The following GNG2 variants were observed in gnomAD, a reference collection of about 807,000 sequenced individuals.
GNG2 encodes guanine nucleotide-binding protein G(I)/G(S)/G(O) subunit gamma-2.
Under a neutral mutation model 5.5 loss-of-function variants are expected in GNG2, and 5 were observed. The ratio of observed to expected loss-of-function variants is 0.91; its 90% CI spans 0.48 to 1.92. The LOEUF (loss-of-function observed/expected upper bound fraction) is 1.92. GNG2 is among the 30% of genes most tolerant of loss of function. The pLI is 0.01. For missense variants in GNG2, 55 were observed against 88.4 expected (o/e 0.62, Z 1.52); for synonymous variants, 28 against 32.0 (o/e 0.88, Z 0.42).
intron 2 of GNG2, chr14:51,847,445 A>G (rs1594832588): frequency 6.6e-6 from 1 of 152,404 alleles, no homozygotes; most frequent in African/African-American, 2.4e-5. Flanking sequence ...CTTTTATGGT[A>G]AGAGTAGCCC....
At chr14:51,964,439 G>A (rs940230748) in intron 3 of GNG2, among the ~76,000 whole-genome samples, 7 of 152,174 alleles carry the variant, frequency 4.6e-5, no homozygotes, top group Non-Finnish European at 1.0e-4. Flanking sequence ...AGATGTTGTG[G>A]TAGTAACAGA....
At chr14:51,837,810 A>C (rs996187316) in intron 2 of GNG2, among the ~76,000 whole-genome samples, 2 of 152,226 alleles carry the variant, frequency 1.3e-5, no homozygotes, top group Non-Finnish European at 2.9e-5. Flanking sequence ...CATAATTTAG[A>C]TACAAAATTG....
intron 2 of GNG2, chr14:51,827,830 G>T: frequency 1.5e-6 from 1 of 671,226 alleles, no homozygotes; most frequent in South Asian, 1.6e-5. Flanking sequence ...AAATGGTGAT[G>T]GAAGGATACT....
chr14:51,950,522 A>G (rs1381673989), intron 2 of GNG2, 128 bp from the exon 3 acceptor site: 1 of 595,242 alleles, frequency 1.7e-6, no homozygotes, highest in African/African-American at 2.0e-5. Flanking sequence ...CCGACCAAGG[A>G]TGGAGAGGGC....
chr14:51,960,867 C>T (rs767477565), intron 3 of GNG2, among the ~76,000 whole-genome samples: 3 of 152,166 alleles, frequency 2.0e-5, no homozygotes, highest in Non-Finnish European at 4.4e-5. Context: ...GTTTTACTTG[C>T]TCCTTCCTGA....
chr14:51,938,378 T>G (rs552894180), intron 2 of GNG2, among the ~76,000 whole-genome samples: 1 of 152,334 alleles, frequency 6.6e-6, no homozygotes, highest in Admixed American at 6.5e-5. Context: ...TCACAGTGTT[T>G]AGTAGTTGCT....
At chr14:51,856,375 T>C (rs1024505945), upstream of GNG2, among the ~76,000 whole-genome samples, 2 of 152,190 alleles carry the variant, frequency 1.3e-5, no homozygotes, top group Non-Finnish European at 2.9e-5. Flanking sequence ...CATCAGTCTC[T>C]TTAAAGTTCC....
chr14:51,860,221 A>C (rs1413364853), upstream of GNG2, among the ~76,000 whole-genome samples: 3 of 83,414 alleles, frequency 3.6e-5, no homozygotes, highest in African/African-American at 1.2e-4. Context: ...ATGTTGACCC[A>C]AAAAAAAACA....
chr14:51,868,432 T>C (rs1594854854), intron 1 of GNG2, among the ~76,000 whole-genome samples: 1 of 152,088 alleles, frequency 6.6e-6, no homozygotes, highest in East Asian at 1.9e-4. Flanking sequence ...AAATGTCAAG[T>C]AGTAGTGAGT....
intron 3 of GNG2, among the ~76,000 whole-genome samples, chr14:51,963,544 C>T (rs1889734130): frequency 1.3e-5 from 2 of 152,160 alleles, no homozygotes; most frequent in African/African-American, 4.8e-5. Context: ...CCTTTGTTTT[C>T]ATGTGGGAGA....
chr14:51,887,209 G>A (rs969323093), intron 2 of GNG2, among the ~76,000 whole-genome samples: 5 of 152,044 alleles, frequency 3.3e-5, no homozygotes, highest in East Asian at 1.9e-4. Context: ...CTCAACTTAC[G>A]GTTCAAGTTT....
chr14:51,828,832 C>T (rs937612366), intron 2 of GNG2, among the ~76,000 whole-genome samples: 10 of 152,144 alleles, frequency 6.6e-5, no homozygotes, highest in African/African-American at 2.2e-4. Context: ...TTCAGGAACA[C>T]CCCAGGGGCT....
At chr14:51,891,264 A>G (rs934503911) in intron 2 of GNG2, among the ~76,000 whole-genome samples, 7 of 152,224 alleles carry the variant, frequency 4.6e-5, no homozygotes, top group South Asian at 2.1e-4. Flanking sequence ...ATTTTCTTGC[A>G]TCTGCTTCTT....
chr14:51,844,979 C>A (rs1381829922), intron 2 of GNG2, among the ~76,000 whole-genome samples: 1 of 152,170 alleles, frequency 6.6e-6, no homozygotes, highest in Non-Finnish European at 1.5e-5. Flanking sequence ...TCCACCTCGG[C>A]CTCCCAAAGT....
intron 2 of GNG2, among the ~76,000 whole-genome samples, chr14:51,832,444 TG>T (rs1210922623): frequency 6.6e-6 from 1 of 152,210 alleles, no homozygotes; most frequent in African/African-American, 2.4e-5. Flanking sequence ...CTGCTATCTT[TG>T]GGGTTATCTT....
chr14:51,872,839 T>C (rs1883401937), intron 1 of GNG2, among the ~76,000 whole-genome samples: 1 of 152,220 alleles, frequency 6.6e-6, no homozygotes, highest in Admixed American at 6.5e-5. Context: ...TGCTGTTGTT[T>C]TGTAGATTTG....
chr14:51,842,179 A>G (rs1204362767), intron 2 of GNG2, among the ~76,000 whole-genome samples: 3 of 152,264 alleles, frequency 2.0e-5, no homozygotes, highest in African/African-American at 7.2e-5. Flanking sequence ...TTATTCAGAT[A>G]TGAGACTATT....
chr14:51,895,717 G>T (rs1284856202), intron 2 of GNG2, among the ~76,000 whole-genome samples: 1 of 152,220 alleles, frequency 6.6e-6, no homozygotes, highest in Non-Finnish European at 1.5e-5. Flanking sequence ...GTTTGGCTAT[G>T]TGTCCCCACC....
At chr14:51,835,236 A>G (rs557408541) in intron 2 of GNG2, among the ~76,000 whole-genome samples, 2 of 152,376 alleles carry the variant, frequency 1.3e-5, no homozygotes, top group Admixed American at 1.3e-4. Context: ...TAATTGAATC[A>G]CAGAAGAGGC....
Sources: gnomAD v4.1 joint callset for allele counts (sites outside exome capture counted in the v4.1 genomes callset) on GRCh38, gnomAD v4.1.1 for gene constraint, MANE v1.5 for transcripts, NCBI Gene and HGNC (gene_info 2026-07-23, HGNC 2026-07-21) for gene names.